The following PDE1A variants were observed in gnomAD, a reference collection of about 807,000 sequenced individuals.
The protein encoded by PDE1A is dual specificity calcium/calmodulin-dependent 3',5'-cyclic nucleotide phosphodiesterase 1A.
A neutral mutation model predicts 61.7 loss-of-function variants in PDE1A; 35 were observed. The observed-to-expected ratio is 0.57, with a 90% CI of 0.43 to 0.75. PDE1A has a LOEUF of 0.75. PDE1A is among the 30% of genes least tolerant of loss of function. The pLI, the probability that PDE1A is intolerant of heterozygous loss-of-function variation, is 0.00. For missense variants in PDE1A, 597 were observed against 630.6 expected, an observed-to-expected ratio of 0.95 and a Z score of 0.57; for synonymous variants, 232 against 213.2, an observed-to-expected ratio of 1.09 and a Z score of -0.77.
chr2:182,250,466 C>A (rs1691312741), intron 2 of PDE1A, among the ~76,000 whole-genome samples: 1 of 152,166 alleles, frequency 6.6e-6, no homozygotes, highest in Non-Finnish European at 1.5e-5. Context: ...TGAATTATTT[C>A]TTTCAGGCCA....
the PDE1A span, among the ~76,000 whole-genome samples, chr2:182,554,000 G>C: frequency 7.9e-5 from 12 of 152,182 alleles, no homozygotes; most frequent in African/African-American, 2.9e-4. Flanking sequence ...GACTGTTTTA[G>C]GCAGGGGGGT....
At chr2:182,710,933 C>T in the PDE1A span, among the ~76,000 whole-genome samples, 1 of 152,196 alleles carries the variant, frequency 6.6e-6, no homozygotes, top group Non-Finnish European at 1.5e-5. Context: ...AGCCAGTTTT[C>T]CTCTATCTTT....
chr2:182,406,827 A>T (rs1400427918), intron 1 of PDE1A, among the ~76,000 whole-genome samples: 1 of 152,082 alleles, frequency 6.6e-6, no homozygotes, highest in African/African-American at 2.4e-5. Context: ...ATTGATTTTT[A>T]AAATTATATT....
chr2:182,413,819 T>C (rs1011032911), intron 1 of PDE1A, among the ~76,000 whole-genome samples: 1 of 152,194 alleles, frequency 6.6e-6, no homozygotes, highest in Non-Finnish European at 1.5e-5. Flanking sequence ...TGTGTGTTTA[T>C]GTTAGGGTGC....
intron 1 of PDE1A, among the ~76,000 whole-genome samples, chr2:182,313,155 T>C (rs1483700326): frequency 6.6e-6 from 1 of 152,234 alleles, no homozygotes; most frequent in East Asian, 1.9e-4. Context: ...GGCTCACGCC[T>C]GTAATCCCAG....
the PDE1A span, among the ~76,000 whole-genome samples, chr2:182,711,162 A>G: frequency 6.6e-6 from 1 of 152,172 alleles, no homozygotes; most frequent in African/African-American, 2.4e-5. Flanking sequence ...TGTCCCTGCC[A>G]GAGAACAGCC....
At chr2:182,336,377 A>T (rs1697811545) in intron 1 of PDE1A, among the ~76,000 whole-genome samples, 1 of 152,196 alleles carries the variant, frequency 6.6e-6, no homozygotes, top group Non-Finnish European at 1.5e-5. Flanking sequence ...CCAAATGCCC[A>T]TCAATTTTAG....
intron 2 of PDE1A, among the ~76,000 whole-genome samples, chr2:182,462,449 C>T (rs539992859): frequency 6.6e-6 from 1 of 151,830 alleles, no homozygotes; most frequent in Non-Finnish European, 1.5e-5. Flanking sequence ...TGGTGTTTAA[C>T]AGTCTGTTAG....
intron 13 of PDE1A, among the ~76,000 whole-genome samples, chr2:182,170,403 A>G (rs1692092654): frequency 6.6e-6 from 1 of 152,088 alleles, no homozygotes; most frequent in Non-Finnish European, 1.5e-5. Flanking sequence ...TAATCTTATG[A>G]GCACATTTGT....
At chr2:182,660,191 G>A in the PDE1A span, among the ~76,000 whole-genome samples, 122 of 152,274 alleles carry the variant, frequency 8.0e-4, no homozygotes, top group African/African-American at 2.7e-3. Flanking sequence ...AAGAAATGAG[G>A]CTGAAACCAT....
chr2:182,358,357 A>G (rs867479464), intron 1 of PDE1A, among the ~76,000 whole-genome samples: 1 of 152,092 alleles, frequency 6.6e-6, no homozygotes, highest in African/African-American at 2.4e-5. Flanking sequence ...TGATGCCCTT[A>G]CATCTGCATA....
chr2:182,212,003 T>C (rs1434650791), intron 7 of PDE1A, among the ~76,000 whole-genome samples: 1 of 152,032 alleles, frequency 6.6e-6, no homozygotes, highest in African/African-American at 2.4e-5. Flanking sequence ...TTCCTTTTTC[T>C]AGTTGTATTG....
the PDE1A span, among the ~76,000 whole-genome samples, chr2:182,704,948 C>T: frequency 1.7e-4 from 26 of 152,214 alleles, no homozygotes; most frequent in Non-Finnish European, 3.4e-4. Flanking sequence ...GATATATACA[C>T]GTTTGTCCTA....
the PDE1A span, among the ~76,000 whole-genome samples, chr2:182,611,343 T>G: frequency 1.3e-5 from 2 of 152,136 alleles, no homozygotes; most frequent in African/African-American, 2.4e-5. Context: ...AAAAGTGATT[T>G]CAAAGAGAAC....
chr2:182,499,396 G>A (rs1002433648), intron 2 of PDE1A, among the ~76,000 whole-genome samples: 6 of 151,862 alleles, frequency 4.0e-5, no homozygotes, highest in African/African-American at 9.7e-5. Flanking sequence ...CATAATTTTT[G>A]TATTTTTAGT....
chr2:182,614,850 C>A, the PDE1A span, among the ~76,000 whole-genome samples: 1 of 152,204 alleles, frequency 6.6e-6, no homozygotes, highest in East Asian at 1.9e-4. Flanking sequence ...AGCCATTGTG[C>A]CCAGCCTATC....
At chr2:182,579,483 T>C in the PDE1A span, among the ~76,000 whole-genome samples, 5 of 152,176 alleles carry the variant, frequency 3.3e-5, no homozygotes, top group Non-Finnish European at 7.3e-5. Flanking sequence ...GAGACAAATA[T>C]CTAAAAATTA....
chr2:182,566,613 A>C, the PDE1A span, among the ~76,000 whole-genome samples: 3 of 152,102 alleles, frequency 2.0e-5, no homozygotes, highest in Non-Finnish European at 2.9e-5. Context: ...CATGCATGTA[A>C]CTGGAAAAGG....
At chr2:182,158,861 A>AT (rs892254131) in intron 13 of PDE1A, among the ~76,000 whole-genome samples, 1 of 152,098 alleles carries the variant, frequency 6.6e-6, no homozygotes, top group African/African-American at 2.4e-5. Context: ...ACTTTGCATA[A>AT]TTTTTTTCTT....
Sources: allele counts gnomAD v4.1 joint callset (sites outside exome capture counted in the v4.1 genomes callset), GRCh38; gene constraint gnomAD v4.1.1; transcripts MANE v1.5; gene names NCBI Gene and HGNC (gene_info 2026-07-23, HGNC 2026-07-21).